The following DOCK5 variants were observed in gnomAD, a reference collection of about 807,000 sequenced individuals.
DOCK5 encodes the protein dedicator of cytokinesis 5.
Under a neutral mutation model 251.8 loss-of-function variants are expected in DOCK5, and 142 were observed. That is an observed-to-expected ratio of 0.56 (90% CI 0.49 to 0.65). The LOEUF is 0.65. Among genes scored for constraint, DOCK5 ranks in the 30% least tolerant of loss-of-function variants. The pLI is 0.00. For synonymous variants in DOCK5, 842 were observed against 835.5 expected, an observed-to-expected ratio of 1.01 and a Z score of -0.13; for missense variants, 2,111 against 2,312.3, an observed-to-expected ratio of 0.91 and a Z score of 1.79.
At chr8:25,364,844 C>T in intron 30 of DOCK5, 140 bp downstream of exon 30, 2 of 617,680 alleles carry the variant, frequency 3.2e-6, no homozygotes, top group Admixed American at 5.8e-5. Context: ...TCCTAAAGCA[C>T]ATATGCCTGT....
intron 27 of DOCK5, among the ~76,000 whole-genome samples, chr8:25,353,613 TA>T (rs1458350411): frequency 6.6e-6 from 1 of 152,184 alleles, no homozygotes; most frequent in East Asian, 1.9e-4. Flanking sequence ...ACCTAAAATC[TA>T]TCAATTACTT....
chr8:25,303,208 G>C (rs1804814357), intron 10 of DOCK5, among the ~76,000 whole-genome samples: 2 of 152,174 alleles, frequency 1.3e-5, no homozygotes, highest in African/African-American at 4.8e-5. Flanking sequence ...TTTACTGCCT[G>C]GCACTGCCCG....
At chr8:25,243,262 T>G (rs2117545766) in intron 1 of DOCK5, among the ~76,000 whole-genome samples, 1 of 151,948 alleles carries the variant, frequency 6.6e-6, no homozygotes, top group South Asian at 2.1e-4. Flanking sequence ...TGCTTTACAG[T>G]GGGCAATTCA....
chr8:25,360,658 T>G (rs938332613), intron 28 of DOCK5, among the ~76,000 whole-genome samples: 1 of 152,216 alleles, frequency 6.6e-6, no homozygotes, highest in Admixed American at 6.5e-5. Flanking sequence ...CTTGGCTCCA[T>G]GCATGGGAAA....
Position 25,413,005 on chromosome 8 carries a change from T to C in DOCK5, c.*1707T>C, listed in dbSNP as rs1488624453. 1 of 152,170 alleles carries C rather than the reference T, an allele frequency of 6.6e-6. No individual in the cohort carries two copies. The highest frequency in any genetic ancestry group is 1.5e-5 in the Non-Finnish European group (1 of 68,004). 9.4% of individuals were successfully genotyped at this position (152,170 alleles called of 1,614,324 possible). A position where few individuals can be genotyped will look rare whatever the true frequency, so the allele number is the denominator to read the frequency against. Reference sequence around the variant, plus strand: ...GCTAGCATGGAAGAATCATGGGCTTTGGAATTAAACCCATTTGGTGGAATT... The same window carrying C: ...GCTAGCATGGAAGAATCATGGGCTTCGGAATTAAACCCATTTGGTGGAATT... On this transcript the variant is annotated 3_prime_UTR_variant, in exon 52 of 52. Coordinates refer to ENST00000276440, the MANE Select transcript of DOCK5 (RefSeq NM_024940.8).
intron 1 of DOCK5, among the ~76,000 whole-genome samples, chr8:25,192,909 C>T (rs1213307950): frequency 6.6e-6 from 1 of 152,168 alleles, no homozygotes; most frequent in Non-Finnish European, 1.5e-5. Flanking sequence ...CTTTCTACCA[C>T]TACTTGCTGT....
Position 25,409,597 on chromosome 8 carries a change from C to T in DOCK5, c.5405-502C>T, listed in dbSNP as rs548926546. On this transcript the variant is annotated intron_variant, in intron 50 of 51. Coordinates refer to ENST00000276440, the MANE Select transcript of DOCK5 (RefSeq NM_024940.8). ...GGCACGGTAGCTCACGCCTGTAATC[C>T]CAGCACTTTGGGAGGCCGAGGCAGG... The T allele has an allele frequency of 2.3e-4, 36 of 155,240 alleles. 1 individual carries two copies. The South Asian group carries it at 7.1e-3, about 31-fold the overall frequency. The allele number at this position is 155,240 out of a possible 1,614,324, so 9.6% of individuals were successfully genotyped here.
chr8:25,380,527 T>A, intron 39 of DOCK5, 133 bp downstream of exon 39: 11 of 747,646 alleles, frequency 1.5e-5, no homozygotes, highest in Admixed American at 8.0e-5. Context: ...TTGCTTGAAA[T>A]GAGAATGAAA....
rs1800375295 is a variant in DOCK5 at position 25,346,718 on chromosome 8, G to A, written c.2754+1107G>A. ...ACGCGCCTATAGTCCCAGCTACTCG[G>A]GAGGCCGAGGCAGGAGAATCCCTTG... On this transcript the variant is annotated intron_variant, in intron 26 of 51. Transcript: ENST00000276440. Among the ~76,000 whole-genome samples, 3 of 98,800 alleles carry A rather than the reference G, an allele frequency of 3.0e-5. 1 individual carries two copies. Among genetic ancestry groups the A allele is most frequent in the East Asian group, 3.3e-4 (1 of 2,990 alleles). The allele number at this position is 98,800 out of a possible 152,430, so 64.8% of individuals were successfully genotyped here.
intron 26 of DOCK5, among the ~76,000 whole-genome samples, chr8:25,348,697 G>A (rs1800412380): frequency 6.6e-6 from 1 of 152,020 alleles, no homozygotes; most frequent in African/African-American, 2.4e-5. Context: ...AATTAGCTGG[G>A]CGTGGTGGTG....
intron 11 of DOCK5, 131 bp downstream of exon 11, chr8:25,304,458 G>C: frequency 1.3e-6 from 1 of 762,552 alleles, no homozygotes; most frequent in Non-Finnish European, 2.0e-6. Context: ...AAGATTGTCA[G>C]ATAGGAGCTG....
At chr8:25,232,329 G>GTTATT (rs58390803) in intron 1 of DOCK5, among the ~76,000 whole-genome samples, 149,538 of 152,202 alleles carry the variant, frequency 0.98, 73,469 homozygotes, top group East Asian at 1. Flanking sequence ...GGCTGAGCTA[G>GTTATT]GAAACGTATT....
At chr8:25,239,390 G>A (rs553263414) in intron 1 of DOCK5, among the ~76,000 whole-genome samples, 6 of 150,152 alleles carry the variant, frequency 4.0e-5, no homozygotes, top group African/African-American at 1.5e-4. Context: ...TCCTTGGTAG[G>A]TGTTTGTGTT....
intron 38 of DOCK5, among the ~76,000 whole-genome samples, chr8:25,379,849 T>TACACACAC (rs10569921): frequency 3.4e-5 from 5 of 146,712 alleles, no homozygotes; most frequent in Non-Finnish European, 6.0e-5. Flanking sequence ...TCACTACACC[T>TACACACAC]ACACACACAC....
Position 25,332,283 on chromosome 8 carries a change from A to G in DOCK5, c.1936A>G (p.Asn646Asp), listed in dbSNP as rs749929260. 2 of 1,613,470 alleles carry G rather than the reference A, an allele frequency of 1.2e-6. No individual in the cohort carries two copies. Among genetic ancestry groups the G allele is most frequent in the African/African-American group, 2.7e-5 (2 of 74,894 alleles). Residue 646 changes from asparagine (N) to aspartate (D), a missense_variant, in exon 19 of 52, where the codon AAC becomes GAC. Asn to Asp is a conservative substitution (Grantham distance 23, BLOSUM62 1). Transcript: ENST00000276440. Reference sequence around the variant, plus strand: ...GTTAGGCTTGTTAAATTGGCGTTCCAACTCCCAGAACATTAAACACAACCT... The same window carrying G: ...GTTAGGCTTGTTAAATTGGCGTTCCGACTCCCAGAACATTAAACACAACCT... ...DLLGLLNWRS[N>D]SQNIKHNLKK...
intron 24 of DOCK5, 47 bp from the exon 25 acceptor site, chr8:25,342,354 A>C (rs1163525840): frequency 6.9e-7 from 1 of 1,456,378 alleles, no homozygotes; most frequent in East Asian, 2.5e-5. Context: ...TGATGCCTTC[A>C]ATTTGGCAGA....
At chr8:25,362,191 G>T (rs1800694489) in intron 28 of DOCK5, among the ~76,000 whole-genome samples, 1 of 152,196 alleles carries the variant, frequency 6.6e-6, no homozygotes, top group African/African-American at 2.4e-5. Flanking sequence ...GGCGCAGGAA[G>T]AGTGGTGATT....
chr8:25,264,641 C>T (rs768691311), intron 2 of DOCK5, among the ~76,000 whole-genome samples: 17 of 151,704 alleles, frequency 1.1e-4, no homozygotes, highest in Non-Finnish European at 7.3e-5. Flanking sequence ...GTCTGGCCAA[C>T]GTGGTGAAAC....
At chr8:25,200,779 G>A (rs1359059983) in intron 1 of DOCK5, among the ~76,000 whole-genome samples, 2 of 152,102 alleles carry the variant, frequency 1.3e-5, no homozygotes, top group African/African-American at 4.8e-5. Flanking sequence ...TCAATAAAGG[G>A]CAAAATAAAA....
Sources: allele counts gnomAD v4.1 joint callset (sites outside exome capture counted in the v4.1 genomes callset), GRCh38; gene constraint gnomAD v4.1.1; transcripts MANE v1.5; gene names NCBI Gene and HGNC (gene_info 2026-07-23, HGNC 2026-07-21).